The following ASPH variants were observed in gnomAD, a reference collection of about 807,000 sequenced individuals.
ASPH encodes the protein aspartyl/asparaginyl beta-hydroxylase.
In ASPH, 100 loss-of-function variants were observed where a neutral mutation model predicts 118.4. The ratio of observed to expected loss-of-function variants is 0.84; its 90% CI spans 0.72 to 1.00. The LOEUF is 1.00. Among genes scored for constraint, ASPH ranks in the 50% least tolerant of loss-of-function variants. The pLI, the probability that ASPH is intolerant of heterozygous loss-of-function variation, is 0.00. For missense variants in ASPH, 920 were observed against 919.5 expected (o/e 1.00, Z -0.01); for synonymous variants, 315 against 325.6 (o/e 0.97, Z 0.35).
chr8:61,547,299 C>T (rs1239490579), intron 21 of ASPH, among the ~76,000 whole-genome samples: 1 of 152,210 alleles, frequency 6.6e-6, no homozygotes, highest in African/African-American at 2.4e-5. Flanking sequence ...TCTCCAAATG[C>T]TACAACATTT....
At chr8:61,536,952 GC>G (rs2129982359) in intron 21 of ASPH, among the ~76,000 whole-genome samples, 1 of 152,316 alleles carries the variant, frequency 6.6e-6, no homozygotes, top group East Asian at 1.9e-4. Flanking sequence ...CACCTAGCTA[GC>G]ACTGGGGTGA....
intron 4 of ASPH, among the ~76,000 whole-genome samples, chr8:61,652,645 G>A (rs988077513): frequency 1.3e-5 from 2 of 152,136 alleles, no homozygotes; most frequent in African/African-American, 2.4e-5. Context: ...TGGGGGTCAA[G>A]AGGGGTTTTA....
At chr8:61,581,149 G>C (rs766353646) in intron 15 of ASPH, among the ~76,000 whole-genome samples, 1 of 152,226 alleles carries the variant, frequency 6.6e-6, no homozygotes, top group Non-Finnish European at 1.5e-5. Flanking sequence ...ATCCCTGCAA[G>C]ACAGAGGCTC....
intron 3 of ASPH, chr8:61,665,607 C>A (rs1279447218): frequency 1.9e-6 from 3 of 1,557,960 alleles, no homozygotes; most frequent in Non-Finnish European, 2.6e-6. Flanking sequence ...AGTTCTTTAA[C>A]TTTCAGATTT....
At chr8:61,708,665 A>G (rs1248430245) in intron 1 of ASPH, among the ~76,000 whole-genome samples, 1 of 152,260 alleles carries the variant, frequency 6.6e-6, no homozygotes, top group East Asian at 1.9e-4. Flanking sequence ...AGGCAGTTAC[A>G]ACAATGCTGG....
intron 22 of ASPH, 120 bp from the exon 23 acceptor site, chr8:61,518,243 T>C: frequency 2.5e-6 from 2 of 790,294 alleles, no homozygotes; most frequent in African/African-American, 1.8e-5. Flanking sequence ...TGAGTAAACA[T>C]GAGAAGATGA....
Position 61,684,183 on chromosome 8 carries a change from T to C in ASPH, c.109A>G (p.Lys37Glu), listed in dbSNP as rs1829475327. 6.2e-7 allele frequency: 1 copy of C among 1,609,802 alleles called. No homozygotes were observed. ...SSSPGARRET[K>E]HGGHKNGRKG... is the part of the protein sequence containing the mutation. ...CTCCCATTCTTGTGTCCTCCATGCTTTGTCTCTGTTTAGAAATAAATGTAA... is the reference window on the plus strand; with the variant it reads ...CTCCCATTCTTGTGTCCTCCATGCTCTGTCTCTGTTTAGAAATAAATGTAA... Residue 37 changes from lysine (K) to glutamate (E), a missense_variant, in exon 2 of 25, where the codon AAG (lysine) becomes GAG (glutamate). Physicochemically the swap from Lys to Glu is moderately conservative, Grantham distance 56 (BLOSUM62 1). Transcript: ENST00000379454.
At chr8:61,627,253 T>C (rs1346435306) in intron 13 of ASPH, among the ~76,000 whole-genome samples, 1 of 152,246 alleles carries the variant, frequency 6.6e-6, no homozygotes, top group Non-Finnish European at 1.5e-5. Context: ...AGGAAATAGT[T>C]ATGAATAAGA....
At chr8:61,691,325 G>C (rs931050406) in intron 1 of ASPH, among the ~76,000 whole-genome samples, 3 of 152,204 alleles carry the variant, frequency 2.0e-5, no homozygotes, top group African/African-American at 4.8e-5. Flanking sequence ...GTTTAGGACA[G>C]AGTGAAGTAG....
At chr8:61,703,401 A>C (rs1287872074) in intron 1 of ASPH, among the ~76,000 whole-genome samples, 1 of 152,218 alleles carries the variant, frequency 6.6e-6, no homozygotes, top group Non-Finnish European at 1.5e-5. Context: ...CTTAAAAAAA[A>C]CTACTAGAAG....
chr8:61,585,870 A>C (rs978836545), intron 14 of ASPH, among the ~76,000 whole-genome samples: 9 of 152,086 alleles, frequency 5.9e-5, no homozygotes, highest in African/African-American at 1.7e-4. Flanking sequence ...CTGGCACTAA[A>C]CTTTTCTGGG....
intron 24 of ASPH, among the ~76,000 whole-genome samples, chr8:61,505,253 T>C (rs1479219168): frequency 6.6e-6 from 1 of 152,144 alleles, no homozygotes; most frequent in African/African-American, 2.4e-5. Context: ...CTCAGCACTT[T>C]GGGAGGCTGA....
At chr8:61,575,110 A>C (rs969618926) in intron 16 of ASPH, among the ~76,000 whole-genome samples, 12 of 152,044 alleles carry the variant, frequency 7.9e-5, no homozygotes, top group African/African-American at 2.4e-4. Flanking sequence ...CCCCAGAGAG[A>C]CCTTTCCTGC....
intron 21 of ASPH, among the ~76,000 whole-genome samples, chr8:61,534,285 C>T (rs1249299592): frequency 1.3e-5 from 2 of 152,148 alleles, no homozygotes; most frequent in African/African-American, 4.8e-5. Flanking sequence ...ATTGAATTTT[C>T]TTTCTTTACT....
At chr8:61,627,379 TA>T (rs1853388931) in intron 13 of ASPH, among the ~76,000 whole-genome samples, 1 of 152,186 alleles carries the variant, frequency 6.6e-6, no homozygotes, top group Non-Finnish European at 1.5e-5. Context: ...CAGACAAAAC[TA>T]ATCTACGATG....
chr8:61,581,132 C>T (rs968134086), intron 15 of ASPH, among the ~76,000 whole-genome samples: 6 of 152,216 alleles, frequency 3.9e-5, no homozygotes, highest in African/African-American at 1.2e-4. Context: ...TCTGCAGCAT[C>T]CTTTGAATCC....
intron 16 of ASPH, among the ~76,000 whole-genome samples, chr8:61,571,487 T>C (rs1043338460): frequency 3.3e-5 from 5 of 152,220 alleles, no homozygotes. Context: ...TTACTTATTA[T>C]ACCCAATACA....
At chr8:61,665,379 T>C (rs370073511) in intron 3 of ASPH, 10 of 1,613,690 alleles carry the variant, frequency 6.2e-6, no homozygotes, top group African/African-American at 2.7e-5. Context: ...TTTGTTGATT[T>C]TTTCCTATTT....
chr8:61,537,567 C>T (rs1246821432), intron 21 of ASPH, among the ~76,000 whole-genome samples: 1 of 152,018 alleles, frequency 6.6e-6, no homozygotes, highest in South Asian at 2.1e-4. Flanking sequence ...TTTGTAGCAA[C>T]AGGTCTTGCT....
Sources: gnomAD v4.1 joint callset for allele counts (sites outside exome capture counted in the v4.1 genomes callset) on GRCh38, gnomAD v4.1.1 for gene constraint, MANE v1.5 for transcripts, NCBI Gene and HGNC (gene_info 2026-07-23, HGNC 2026-07-21) for gene names.